LETMD1: variants seen among roughly 807,000 people sequenced by gnomAD.
LETMD1 encodes the protein LETM1 domain-containing protein 1.
LETMD1 carries 30 observed loss-of-function variants against 43.9 expected under a neutral mutation model. The ratio of observed to expected loss-of-function variants is 0.68; its 90% CI spans 0.51 to 0.93. The LOEUF is 0.93. LETMD1 is among the 40% of genes least tolerant of loss of function. LETMD1 has a pLI of 0.00. For synonymous variants in LETMD1, 176 were observed against 163.1 expected (o/e 1.08, Z -0.60); for missense variants, 413 against 447.7 (o/e 0.92, Z 0.70).
At chr12:51,051,949 T>G in intron 2 of LETMD1, 143 bp from the exon 3 acceptor site, 3 of 613,008 alleles carry the variant, frequency 4.9e-6, no homozygotes, top group East Asian at 3.0e-5. Context: ...ACCTCAGGAG[T>G]TTCAAGTTAC....
rs1946840797 is a variant in LETMD1, at chr12:51,053,767, T to C, written c.391-11T>C. 6.2e-7 allele frequency: 1 copy of C among 1,602,234 alleles called. No homozygotes were observed. The highest frequency in any genetic ancestry group is 8.5e-7 in the Non-Finnish European group (1 of 1,172,054). On this transcript the variant is annotated splice_polypyrimidine_tract_variant and intron_variant, in intron 3 of 8. Transcript: ENST00000262055. ...TGGGTTAAAACTGCATCTGTGTTTA[T>C]TTCTGCTTAGTTCCGCCAAGACGTC...
In LETMD1 at chr12:51,059,853, TG is replaced by T; in HGVS notation, c.*423del. ...TTTTTGTTGTTGCTGTTAGAAAATT[TG>T]TGGCTGGTGAAAACAGCACTCCTTT... is the stretch of plus-strand genomic sequence containing the variant. On this transcript the variant is annotated 3_prime_UTR_variant, in exon 9 of 9. Transcript: ENST00000262055. 5.7e-6 allele frequency: 1 copy of T among 176,296 alleles called. No homozygotes were observed. The highest frequency in any genetic ancestry group is 1.2e-5 in the Non-Finnish European group (1 of 82,294). 10.9% of individuals were successfully genotyped at this position (176,296 alleles called of 1,614,324 possible).
chr12:51,056,874 A>C, intron 7 of LETMD1: 1 of 178,592 alleles, frequency 5.6e-6, no homozygotes, highest in Non-Finnish European at 1.2e-5. Context: ...CTGATCTCAA[A>C]CCCCTGGCCT....
chr12:51,048,952 C>G (rs1945147027), intron 1 of LETMD1, 82 bp from the exon 2 acceptor site: 31 of 1,313,444 alleles, frequency 2.4e-5, no homozygotes, highest in Non-Finnish European at 3.3e-5. Flanking sequence ...ATCTCCGAGA[C>G]TCCTGCTTTA....
intron 4 of LETMD1, among the ~76,000 whole-genome samples, chr12:51,054,544 T>C (rs1405968487): frequency 6.6e-6 from 1 of 152,164 alleles, no homozygotes; most frequent in African/African-American, 2.4e-5. Context: ...TGTGGCTTCT[T>C]CAGTATGGCA....
intron 2 of LETMD1, among the ~76,000 whole-genome samples, chr12:51,051,676 C>T (rs1465111891): frequency 6.6e-6 from 1 of 151,932 alleles, no homozygotes; most frequent in African/African-American, 2.4e-5. Context: ...CACTGCACTC[C>T]AGCCTGGGCA....
At position 51,055,925 on chromosome 12, in the gene LETMD1, G is replaced by A. The variant is rs575672578; in HGVS notation, c.564G>A (p.Lys188=). ...TAGATATCTATCATGCTTTCCGGAAGCAGTCCCACCCAGAAATTATTAGTT... is the reference window on the plus strand; with the variant it reads ...TAGATATCTATCATGCTTTCCGGAAACAGTCCCACCCAGAAATTATTAGTT... The part of the protein sequence containing the change: ...DFLDIYHAFR[K]QSHPEIISYL... The change falls in exon 5 of 9, where the codon AAG becomes AAA. Residue 188 remains lysine (K), a synonymous_variant. Transcript: ENST00000262055. 1.9e-6 allele frequency: 3 copies of A among 1,613,880 alleles called. No individual in the cohort carries two copies. In the African/African-American group the frequency reaches 4.0e-5, roughly 22 times the overall value.
In LETMD1 at chr12:51,048,377, C is replaced by T; in HGVS notation, c.21C>T (p.Cys7=). The T allele has an allele frequency of 1.2e-6, 2 of 1,614,116 alleles. No individual in the cohort carries two copies. The highest frequency in any genetic ancestry group is 4.5e-5 in the East Asian group (2 of 44,876). MALSRV[C]WARSAVWGSA... ...TGAAGATGGCGCTCTCCAGGGTGTG[C>T]TGGGCTCGGTCGGCTGTGTGGGGCT... The change falls in exon 1 of 9, where the codon TGC becomes TGT. Residue 7 remains cysteine, a synonymous_variant. Transcript: ENST00000262055.
In LETMD1 at chr12:51,048,467, G is replaced by C. The variant is rs748217048; in HGVS notation, c.111G>C (p.Trp37Cys). The C allele has an allele frequency of 1.2e-6, 2 of 1,613,676 alleles. No individual in the cohort carries two copies. The highest frequency in any genetic ancestry group is 3.3e-5 in the Admixed American group (2 of 60,020). Residue 37 changes from tryptophan (W) to cysteine (C), a missense_variant, in exon 1 of 9, where the codon TGG becomes TGC. Trp to Cys is a radical substitution (Grantham distance 215, BLOSUM62 -2). Transcript: ENST00000262055. ...RLQLGRSGLA[W>C]GAPRSSKLHL... The stretch of plus-strand genomic sequence containing the variant: ...AACTTGGTCGCTCTGGCCTGGCTTG[G>C]GGGGCCCCTCGGTGAGGGACCTGTA...
At chr12:51,062,064 T>G (rs1323575219), downstream of LETMD1, 2 of 152,092 alleles carry the variant, frequency 1.3e-5, no homozygotes, top group African/African-American at 4.8e-5. Context: ...AAGCAAAAAC[T>G]GGAACAAATA....
chr12:51,056,342 T>C lies in LETMD1; in HGVS notation c.763-8T>C, dbSNP rs750138746. ...TTGCCTTTCCCCTCCTATGTGGTTG[T>C]GTTACAGAAAGCCTTGAGCCGGGCC... On this transcript the variant is annotated splice_polypyrimidine_tract_variant and splice_region_variant and intron_variant, in intron 6 of 8. Transcript: ENST00000262055. The C allele has an allele frequency of 6.2e-7, 1 of 1,614,150 alleles. No homozygotes were observed. Among genetic ancestry groups the C allele is most frequent in the Non-Finnish European group, 8.5e-7 (1 of 1,179,966 alleles).
At position 51,048,804 on chromosome 12, in the gene LETMD1, G is replaced by A. The variant is rs992353053; in HGVS notation, c.123-230G>A. The A allele has an allele frequency of 6.7e-6, 4 of 593,662 alleles. No homozygotes were observed. The South Asian group carries it at 8.4e-5, about 12-fold the overall frequency. The allele number at this position is 593,662 out of a possible 1,614,324, so 36.8% of individuals were successfully genotyped here. On this transcript the variant is annotated intron_variant, in intron 1 of 8. Transcript: ENST00000262055. ...CAGTTCAAATTGTCCCACAGGCATT[G>A]CGCTCTCTCCAGAGGCATACCCTGA... is the stretch of plus-strand genomic sequence containing the variant.
the LETMD1 span, chr12:51,067,593 C>T: frequency 7.2e-7 from 1 of 1,383,310 alleles, no homozygotes; most frequent in Non-Finnish European, 1.0e-6. The surrounding 1 kb of genome is among the most constrained non-coding windows in gnomAD (Gnocchi z 4.1). Flanking sequence ...CCTGAATGGG[C>T]CTCCCATGTT....
At chr12:51,064,304 C>A (rs1388196580), downstream of LETMD1, 2 of 1,613,838 alleles carry the variant, frequency 1.2e-6, no homozygotes, top group Non-Finnish European at 1.7e-6. Flanking sequence ...CTAGGATGCA[C>A]ACACCCAGGC....
At chr12:51,056,078 A>G (rs878986310) in intron 5 of LETMD1, 57 bp downstream of exon 5, 2 of 1,607,986 alleles carry the variant, frequency 1.2e-6, no homozygotes, top group South Asian at 2.2e-5. Flanking sequence ...TTCAGTGTGC[A>G]CTAAACTAGG....
downstream of LETMD1, among the ~76,000 whole-genome samples, chr12:51,065,386 T>C (rs1056501432): frequency 1.1e-4 from 16 of 152,046 alleles, no homozygotes; most frequent in Non-Finnish European, 1.2e-4. Flanking sequence ...GAAAAACACA[T>C]AAACCAAAAA....
At chr12:51,055,338 C>T (rs1947342510) in intron 4 of LETMD1, among the ~76,000 whole-genome samples, 1 of 151,976 alleles carries the variant, frequency 6.6e-6, no homozygotes, top group Non-Finnish European at 1.5e-5. Context: ...AATTGTGCTT[C>T]AGTGTGTCTT....
chr12:51,059,077 A>G, intron 8 of LETMD1: 1 of 398,854 alleles, frequency 2.5e-6, no homozygotes, highest in Non-Finnish European at 4.7e-6. Context: ...ACCAACTTCT[A>G]CCAGAAGAAT....
At chr12:51,063,209 C>T (rs1937751531), downstream of LETMD1, 1 of 152,188 alleles carries the variant, frequency 6.6e-6, no homozygotes, top group Non-Finnish European at 1.5e-5. Flanking sequence ...AGGCAGGTTA[C>T]ATTTTTGTAA....
Sources: gnomAD v4.1 joint callset for allele counts (sites outside exome capture counted in the v4.1 genomes callset) on GRCh38, gnomAD v4.1.1 for gene constraint, Gnocchi (gnomAD v3.1) non-coding constraint, MANE v1.5 for transcripts, NCBI Gene and HGNC (gene_info 2026-07-23, HGNC 2026-07-21) for gene names.